Variants in LRCH1 observed in about 807,000 individuals in gnomAD.
The protein encoded by LRCH1 is leucine rich repeats and calponin homology domain containing 1, also known as leucine-rich repeat and calponin homology domain-containing protein 1.
LRCH1 carries 23 observed loss-of-function variants against 94.9 expected under a neutral mutation model. The observed-to-expected ratio is 0.24, with a 90% CI of 0.17 to 0.34. The LOEUF is 0.34. Ranked by LOEUF, LRCH1 falls within the 10% of genes least tolerant of loss-of-function variation. The pLI, the probability that LRCH1 is intolerant of heterozygous loss-of-function variation, is 1.00. For missense variants in LRCH1, 790 were observed against 945.9 expected (o/e 0.84, Z 2.16); for synonymous variants, 364 against 354.9 (o/e 1.03, Z -0.29).
chr13:46,715,522 G>A (rs749215654), intron 15 of LRCH1, 38 bp from the exon 16 acceptor site: 25 of 1,223,696 alleles, frequency 2.0e-5, no homozygotes, highest in Non-Finnish European at 2.6e-5. Flanking sequence ...TGGTCCTTGT[G>A]CAACTGTACG....
In LRCH1 at chr13:46,723,300, A is replaced by G; in HGVS notation, c.1839A>G (p.Glu613=). 1.2e-6 allele frequency: 2 copies of G among 1,613,484 alleles called. No individual in the cohort carries two copies. ...GGAGGAAAATGGAGCAGATGAGAGAAGAGAAAGAGCTGGTGGAACAACTTC... is the reference window on the plus strand; with the variant it reads ...GGAGGAAAATGGAGCAGATGAGAGAGGAGAAAGAGCTGGTGGAACAACTTC... ...TIRRKMEQMR[E]EKELVEQLRE... The change falls in exon 17 of 20, where the codon GAA becomes GAG. Residue 613 remains glutamate (E), a synonymous_variant. Transcript: ENST00000389797.
exon 19 of LRCH1, chr13:46,750,632 G>A (rs1373253030): frequency 3.9e-6 from 6 of 1,551,160 alleles, no homozygotes; most frequent in African/African-American, 2.7e-5. Flanking sequence ...TCACCGTAAC[G>A]AAGGCTCTGT....
intron 2 of LRCH1, among the ~76,000 whole-genome samples, chr13:46,651,467 C>A (rs2051297255): frequency 6.6e-6 from 1 of 151,940 alleles, no homozygotes; most frequent in Non-Finnish European, 1.5e-5. Context: ...TCGAGACCAG[C>A]CTGGCCAACA....
intron 1 of LRCH1, among the ~76,000 whole-genome samples, chr13:46,565,873 G>A (rs965496465): frequency 2.7e-5 from 4 of 150,120 alleles, no homozygotes; most frequent in Middle Eastern, 3.4e-3. Flanking sequence ...TTTCTACTGG[G>A]ACAGAGGAGT....
chr13:46,643,745 A>G (rs1220014326), intron 1 of LRCH1, among the ~76,000 whole-genome samples: 1 of 152,194 alleles, frequency 6.6e-6, no homozygotes, highest in Non-Finnish European at 1.5e-5. Flanking sequence ...TGAGGATTAA[A>G]TGATACTCAG....
intron 2 of LRCH1, among the ~76,000 whole-genome samples, chr13:46,661,170 C>G (rs1007234594): frequency 6.6e-6 from 1 of 152,122 alleles, no homozygotes; most frequent in African/African-American, 2.4e-5. Context: ...AAAGGCTGCA[C>G]TGTGTAGAGG....
chr13:46,663,499 A>G (rs991002473), intron 2 of LRCH1, among the ~76,000 whole-genome samples: 2 of 152,208 alleles, frequency 1.3e-5, no homozygotes, highest in Non-Finnish European at 2.9e-5. Context: ...AGGAAAAAGG[A>G]AATGGTTCTC....
intron 1 of LRCH1, among the ~76,000 whole-genome samples, chr13:46,593,749 C>G (rs1393468078): frequency 6.6e-6 from 1 of 152,134 alleles, no homozygotes; most frequent in South Asian, 2.1e-4. Context: ...CCACTACATC[C>G]ATTCCAGGGA....
intron 1 of LRCH1, among the ~76,000 whole-genome samples, chr13:46,602,978 G>GCATACATACATACATATATACATACATA (rs1555272034): frequency 4.9e-4 from 73 of 149,934 alleles, no homozygotes; most frequent in African/African-American, 1.3e-3. Flanking sequence ...ATACATGCAT[G>GCATACATACATACATATATACATACATA]CATACATACA....
chr13:46,562,905 T>C (rs1308774769), intron 1 of LRCH1, among the ~76,000 whole-genome samples: 1 of 152,120 alleles, frequency 6.6e-6, no homozygotes, highest in East Asian at 1.9e-4. Context: ...ACATATACAC[T>C]TACAAATGGA....
intron 19 of LRCH1, among the ~76,000 whole-genome samples, chr13:46,736,204 A>G (rs967291539): frequency 1.3e-5 from 2 of 151,550 alleles, no homozygotes; most frequent in East Asian, 3.9e-4. Flanking sequence ...ACTGGTGACT[A>G]GAGTTTAAAT....
chr13:46,689,712 G>GTGTTCTGTTCTGTTC (rs60962905), intron 7 of LRCH1, among the ~76,000 whole-genome samples: 1 of 151,154 alleles, frequency 6.6e-6, no homozygotes, highest in African/African-American at 2.4e-5. Flanking sequence ...CTCTTAGATT[G>GTGTTCTGTTCTGTTC]TGTTCTGTTC....
At chr13:46,645,394 A>G (rs934738240) in intron 1 of LRCH1, among the ~76,000 whole-genome samples, 1 of 152,210 alleles carries the variant, frequency 6.6e-6, no homozygotes, top group Non-Finnish European at 1.5e-5. Flanking sequence ...ATAATGTGCC[A>G]ATATTTAATT....
intron 1 of LRCH1, among the ~76,000 whole-genome samples, chr13:46,613,837 G>A (rs1013845607): frequency 5.9e-5 from 9 of 152,156 alleles, no homozygotes; most frequent in Non-Finnish European, 1.2e-4. Flanking sequence ...TTCCACTCCA[G>A]GGCTTTTGAA....
intron 1 of LRCH1, among the ~76,000 whole-genome samples, chr13:46,595,464 T>A (rs890102604): frequency 1.1e-4 from 16 of 152,188 alleles, no homozygotes; most frequent in Non-Finnish European, 8.8e-5. Context: ...CAGTTTTATA[T>A]GTACGTCAGC....
At chr13:46,559,606 C>T (rs2050107747) in intron 1 of LRCH1, among the ~76,000 whole-genome samples, 1 of 152,200 alleles carries the variant, frequency 6.6e-6, no homozygotes, top group Non-Finnish European at 1.5e-5. Context: ...GCTTGCATTA[C>T]AGGCTGCTTT....
chr13:46,751,221 T>C (rs1325165572), exon 19 of LRCH1: 1 of 152,236 alleles, frequency 6.6e-6, no homozygotes, highest in Non-Finnish European at 1.5e-5. Flanking sequence ...TTTTTGTGGT[T>C]AAACACTTTA....
rs184463695 is a variant in LRCH1 at position 46,723,260 on chromosome 13, C to G, written c.1799C>G (p.Pro600Arg). Reference sequence around the variant, plus strand: ...CAGAGAAATTTGGAATCTATAGACCCGCAGTTTACAATCCGGAGGAAAATG... The same window carrying G: ...CAGAGAAATTTGGAATCTATAGACCGGCAGTTTACAATCCGGAGGAAAATG... ...RPQRNLESID[P>R]QFTIRRKMEQ... is the part of the protein sequence containing the mutation. The change falls in exon 17 of 20, where the codon CCG (proline) becomes CGG (arginine). Residue 600 changes from proline to arginine, a missense_variant. By Grantham distance (103) the Pro-to-Arg change is moderately radical. Coordinates refer to ENST00000389797, the MANE Select transcript of LRCH1 (RefSeq NM_001164211.2). 9.9e-6 allele frequency: 16 copies of G among 1,613,544 alleles called. No individual in the cohort carries two copies. In the Middle Eastern group the frequency reaches 8.2e-4, roughly 83 times the overall value.
intron 1 of LRCH1, among the ~76,000 whole-genome samples, chr13:46,634,995 TA>T (rs1246755775): frequency 6.6e-6 from 1 of 152,228 alleles, no homozygotes; most frequent in Non-Finnish European, 1.5e-5. Context: ...CTGCAGAATA[TA>T]AACCAGTAGT....
Sources: gnomAD v4.1 joint callset for allele counts (sites outside exome capture counted in the v4.1 genomes callset) on GRCh38, gnomAD v4.1.1 for gene constraint, MANE v1.5 for transcripts, NCBI Gene and HGNC (gene_info 2026-07-23, HGNC 2026-07-21) for gene names.